The following GYPB variants were observed in gnomAD, a reference collection of about 807,000 sequenced individuals.
GYPB encodes glycophorin B (MNS blood group), also known as glycophorin-B.
Under a neutral mutation model 15.3 loss-of-function variants are expected in GYPB, and 13 were observed. That is an observed-to-expected ratio of 0.85 (90% CI 0.55 to 1.35). GYPB has a LOEUF of 1.35. Among genes scored for constraint, GYPB ranks in the 40% most tolerant of loss-of-function variants. The pLI is 0.00. For synonymous variants in GYPB, 38 were observed against 36.9 expected, an observed-to-expected ratio of 1.03 and a Z score of -0.11; for missense variants, 131 against 108.3, an observed-to-expected ratio of 1.21 and a Z score of -0.93.
intron 1 of GYPB, among the ~76,000 whole-genome samples, chr4:144,008,185 A>C (rs182231517): frequency 9.3e-5 from 14 of 151,338 alleles, no homozygotes; most frequent in South Asian, 6.2e-4. Flanking sequence ...AAGTGGCAGA[A>C]CTGGATTTTG....
chr4:144,000,482 A>G (rs1278671230), intron 2 of GYPB: 12 of 923,690 alleles, frequency 1.3e-5, no homozygotes, highest in African/African-American at 1.8e-5. Flanking sequence ...TTATCTGCAT[A>G]TAAGAGAAGT....
In GYPB at chr4:144,017,880, T is replaced by G. The variant is rs1220706102; in HGVS notation, c.37+1371A>C. 4.6e-5 allele frequency among the ~76,000 whole-genome samples: 7 copies of G among 151,434 alleles called. 1 individual carries two copies. The highest frequency in any genetic ancestry group is 1.7e-4 in the African/African-American group (7 of 40,736). ...ATTTGTTTTCTTCAAACTAAATGTT[T>G]TCATACTTTTCTGCTTAAAAAATTA... On this transcript the variant is annotated intron_variant, in intron 1 of 4. Coordinates refer to ENST00000502664, the MANE Select transcript of GYPB (RefSeq NM_002100.6).
At chr4:144,000,311 G>T in intron 2 of GYPB, 1 of 298,060 alleles carries the variant, frequency 3.4e-6, no homozygotes, top group Non-Finnish European at 5.8e-6. Flanking sequence ...ACTGTCATGA[G>T]TTACAGCTCG....
Position 144,010,464 on chromosome 4 carries a change from G to T in GYPB, c.37+8787C>A, listed in dbSNP as rs898090490. Among the ~76,000 whole-genome samples the T allele has an allele frequency of 1.1e-4, 16 of 151,010 alleles. 1 individual carries two copies. The highest frequency in any genetic ancestry group is 3.5e-4 in the African/African-American group (14 of 40,372). ...AGCTTAGGCCACAGAGCAAAATCTT[G>T]TCTCTAAAAAAAATTAAGTTGTATA... On this transcript the variant is annotated intron_variant, in intron 1 of 4. Transcript: ENST00000502664.
intron 1 of GYPB, 63 bp from the exon 2 acceptor site, chr4:144,001,346 T>G: frequency 6.2e-7 from 1 of 1,612,000 alleles, no homozygotes; most frequent in Non-Finnish European, 8.5e-7. Flanking sequence ...CCATAAAGCA[T>G]ATCACAAAAG....
chr4:144,017,855 A>G (rs1285071445), intron 1 of GYPB, among the ~76,000 whole-genome samples: 2 of 151,160 alleles, frequency 1.3e-5, no homozygotes, highest in Non-Finnish European at 2.9e-5. Context: ...CATCCCTTTC[A>G]TTTGTTTTCT....
chr4:144,005,621 T>A (rs890096370), intron 1 of GYPB, among the ~76,000 whole-genome samples: 15 of 151,602 alleles, frequency 9.9e-5, no homozygotes, highest in Non-Finnish European at 1.9e-4. Context: ...CCTTCACATC[T>A]TCTGGCAGGA....
In GYPB at chr4:143,997,784, A is replaced by C. The variant is rs1487550007; in HGVS notation, c.176-150T>G. 6 of 601,154 alleles carry C rather than the reference A, an allele frequency of 1.0e-5. No homozygotes were observed. The Admixed American group carries it at 1.5e-4, about 15-fold the overall frequency. 37.2% of individuals were successfully genotyped at this position (601,154 alleles called of 1,614,324 possible). A position where few individuals can be genotyped will look rare whatever the true frequency, so the allele number is the denominator to read the frequency against. On this transcript the variant is annotated intron_variant, in intron 3 of 4. Coordinates refer to ENST00000502664, the MANE Select transcript of GYPB (RefSeq NM_002100.6). Reference sequence around the variant, plus strand: ...TTATGTGTATTTTGTCTTTTTTTAAATTGTGTGCTTTACAGTAACCTTGTG... The same window carrying C: ...TTATGTGTATTTTGTCTTTTTTTAACTTGTGTGCTTTACAGTAACCTTGTG...
At chr4:144,008,151 C>T (rs1479948067) in intron 1 of GYPB, among the ~76,000 whole-genome samples, 1 of 151,578 alleles carries the variant, frequency 6.6e-6, no homozygotes, top group Admixed American at 6.5e-5. Flanking sequence ...CATTGCCTGA[C>T]TTGCTTAAGT....
intron 1 of GYPB, chr4:144,002,550 C>G (rs1290962881): frequency 1.6e-6 from 2 of 1,259,614 alleles, no homozygotes; most frequent in East Asian, 5.6e-5. Context: ...AACATCAGTA[C>G]CCTGAACTCT....
At chr4:144,010,063 A>G (rs991347193) in intron 1 of GYPB, among the ~76,000 whole-genome samples, 4 of 151,396 alleles carry the variant, frequency 2.6e-5, no homozygotes, top group African/African-American at 7.4e-5. Context: ...CCCAATCATC[A>G]GTGCTACATA....
rs565147124 is a variant in GYPB, at chr4:144,001,881, A to G, written c.38-598T>C. 4.7e-4 allele frequency among the ~76,000 whole-genome samples: 67 copies of G among 143,478 alleles called. 2 individuals carry two copies. The highest frequency in any genetic ancestry group is 1.7e-3 in the African/African-American group (66 of 38,504). 94.1% of individuals were successfully genotyped at this position (143,478 alleles called of 152,430 possible). ...GGAAACAATAAGAAAACACTATTAC[A>G]TTGCATGAACCCAGGAGGCCGAGCT... On this transcript the variant is annotated intron_variant, in intron 1 of 4. Coordinates refer to ENST00000502664, the MANE Select transcript of GYPB (RefSeq NM_002100.6).
rs1308938533 is a variant in GYPB at position 144,013,341 on chromosome 4, C to A, written c.37+5910G>T. Among the ~76,000 whole-genome samples the A allele has an allele frequency of 4.3e-4, 65 of 151,052 alleles. 1 individual carries two copies. The highest frequency in any genetic ancestry group is 8.5e-4 in the Non-Finnish European group (58 of 68,022). On this transcript the variant is annotated intron_variant, in intron 1 of 4. Transcript: ENST00000502664. ...TGGTGGGACTGTAAACTAGTTCAAC[C>A]ATTGTGGAAGTCAGTGTGGCGATTC...
chr4:144,015,032 T>C (rs1428820845), intron 1 of GYPB, among the ~76,000 whole-genome samples: 1 of 151,380 alleles, frequency 6.6e-6, no homozygotes, highest in Non-Finnish European at 1.5e-5. Context: ...ATAATTTCGG[T>C]TAGACAGAAA....
chr4:143,996,114 ATTTTG>A lies in GYPB; in HGVS notation c.*180_*184del. 12 of 1,408,320 alleles carry A rather than the reference ATTTTG, an allele frequency of 8.5e-6. No individual in the cohort carries two copies. The highest frequency in any genetic ancestry group is 1.1e-5 in the Non-Finnish European group (12 of 1,063,796). 87.2% of individuals were successfully genotyped at this position (1,408,320 alleles called of 1,614,324 possible). A position where few individuals can be genotyped will look rare whatever the true frequency, so the allele number is the denominator to read the frequency against. ...ACTATAATACATGAAAACGGTTTGTATTTTGTTTTATTTTTATTTAGAAGTAGAGA... is the reference window on the plus strand; with the variant it reads ...ACTATAATACATGAAAACGGTTTGTATTTTATTTTTATTTAGAAGTAGAGA... On this transcript the variant is annotated 3_prime_UTR_variant, in exon 5 of 5. Coordinates refer to ENST00000502664, the MANE Select transcript of GYPB (RefSeq NM_002100.6).
At chr4:144,015,921 C>A (rs1728466030) in intron 1 of GYPB, among the ~76,000 whole-genome samples, 1 of 150,992 alleles carries the variant, frequency 6.6e-6, no homozygotes, top group Non-Finnish European at 1.5e-5. Flanking sequence ...CATGGCTAAA[C>A]TAGTCTGCCA....
At chr4:144,000,397 G>A (rs1178831249) in intron 2 of GYPB, 5 of 1,071,736 alleles carry the variant, frequency 4.7e-6, no homozygotes, top group South Asian at 1.7e-5. Context: ...TTTCTTTTCT[G>A]GAGGGGAAAC....
At chr4:144,008,832 C>G (rs1192146575) in intron 1 of GYPB, among the ~76,000 whole-genome samples, 1 of 151,502 alleles carries the variant, frequency 6.6e-6, no homozygotes, top group Non-Finnish European at 1.5e-5. Flanking sequence ...GTAGAATCAT[C>G]TGTGATATCC....
chr4:144,017,345 A>T (rs919571972), intron 1 of GYPB, among the ~76,000 whole-genome samples: 2 of 146,900 alleles, frequency 1.4e-5, no homozygotes, highest in African/African-American at 5.4e-5. Flanking sequence ...AGCAAAAAAA[A>T]AAAAGAAAAA....
Sources: gnomAD v4.1 joint callset for allele counts (sites outside exome capture counted in the v4.1 genomes callset) on GRCh38, gnomAD v4.1.1 for gene constraint, MANE v1.5 for transcripts, NCBI Gene and HGNC (gene_info 2026-07-23, HGNC 2026-07-21) for gene names.